H3-5: variants seen among roughly 807,000 people sequenced by gnomAD.
H3-5 encodes the protein H3.5 histone, also known as histone H3.3C.
Under a neutral mutation model 8.8 loss-of-function variants are expected in H3-5, and 9 were observed. The observed-to-expected ratio is 1.03, with a 90% confidence interval of 0.62 to 1.79. H3-5 has a LOEUF of 1.79. H3-5 is among the 40% of genes most tolerant of loss of function. H3-5 has a pLI of 0.00. For synonymous variants in H3-5, 82 were observed against 76.1 expected, an observed-to-expected ratio of 1.08 and a Z score of -0.40; for missense variants, 173 against 183.8, an observed-to-expected ratio of 0.94 and a Z score of 0.34.
rs1184341869 is a variant in H3-5 at position 31,791,957 on chromosome 12, C to T, written c.210G>A (p.Leu70=). 1 of 1,614,070 alleles carries T rather than the reference C, an allele frequency of 6.2e-7. No homozygotes were observed. The highest frequency in any genetic ancestry group is 8.5e-7 in the Non-Finnish European group (1 of 1,180,058). ...LLIRKLPFQR[L]VREIAQDFNT... ...TGAAATCCTGCGCGATCTCCCTCAC[C>T]AACCTCTGGAAGGGCAGCTTCCGGA... Residue 70 remains leucine (L), a synonymous_variant, in exon 1 of 1, where the codon TTG becomes TTA. Coordinates refer to ENST00000340398, the MANE Select transcript of H3-5 (RefSeq NM_001013699.3).
chr12:31,792,194 G>A lies in H3-5; in HGVS notation c.-28C>T, dbSNP rs772748165. ...TCTTTCACCCAACGCCGAAGTTTTA[G>A]GCCACTTCTCCGACCTCCGCGCTGC... On this transcript the variant is annotated 5_prime_UTR_variant, in exon 1 of 1. Coordinates refer to ENST00000340398, the MANE Select transcript of H3-5 (RefSeq NM_001013699.3). 5 of 1,603,074 alleles carry A rather than the reference G, an allele frequency of 3.1e-6. No homozygotes were observed. The highest frequency in any genetic ancestry group is 3.4e-6 in the Non-Finnish European group (4 of 1,173,268).
rs572761501 is a variant in H3-5 at position 31,791,645 on chromosome 12, G to T, written c.*114C>A. On this transcript the variant is annotated 3_prime_UTR_variant, in exon 1 of 1. Transcript: ENST00000340398. Reference sequence around the variant, plus strand: ...TTCGCATTCATCCTGAGTGAAAGATGGAATGACTTAAGTACAAATGCAACA... The same window carrying T: ...TTCGCATTCATCCTGAGTGAAAGATTGAATGACTTAAGTACAAATGCAACA... 1.5e-6 allele frequency: 2 copies of T among 1,331,488 alleles called. No individual in the cohort carries two copies. The highest frequency in any genetic ancestry group is 2.1e-5 in the Admixed American group (1 of 48,120). 82.5% of individuals were successfully genotyped at this position (1,331,488 alleles called of 1,614,324 possible).
In H3-5 at chr12:31,792,149, C is replaced by T. The variant is rs1217573893; in HGVS notation, c.18G>A (p.Gln6=). 1.9e-6 allele frequency: 3 copies of T among 1,613,262 alleles called. No individual in the cohort carries two copies. The highest frequency in any genetic ancestry group is 2.5e-6 in the Non-Finnish European group (3 of 1,179,408). ...TCCCACCGGTGGATTTACGAGCAGT[C>T]TGCTTGGTTCGGGCCATTTTCTTTC... MARTK[Q]TARKSTGGKA... The change falls in exon 1 of 1, where the codon CAG becomes CAA. Residue 6 remains glutamine, a synonymous_variant. Coordinates refer to ENST00000340398, the MANE Select transcript of H3-5 (RefSeq NM_001013699.3).
In H3-5 at chr12:31,792,142, G is replaced by A; in HGVS notation, c.25C>T (p.Arg9Cys). MARTKQTA[R>C]KSTGGKAPRK... ...GGGGCTTTCCCACCGGTGGATTTAC[G>A]AGCAGTCTGCTTGGTTCGGGCCATT... Residue 9 changes from arginine (R) to cysteine (C), a missense_variant, in exon 1 of 1, where the codon CGT (arginine) becomes TGT (cysteine). Coordinates refer to ENST00000340398, the MANE Select transcript of H3-5 (RefSeq NM_001013699.3). 2 of 1,613,928 alleles carry A rather than the reference G, an allele frequency of 1.2e-6. No individual in the cohort carries two copies. Among genetic ancestry groups the A allele is most frequent in the Non-Finnish European group, 1.7e-6 (2 of 1,179,908 alleles).
chr12:31,791,780 C>G lies in H3-5; in HGVS notation c.387G>C (p.Arg129=), dbSNP rs1199503837. The G allele has an allele frequency of 6.2e-7, 1 of 1,614,180 alleles. No homozygotes were observed. ...IMPKDIQLAR[R]IRGERA ...TCACTTAAGCTCTCTCTCCCCGTATCCGGCGAGCCAACTGGATGTCTTTGG... is the reference window on the plus strand; with the variant it reads ...TCACTTAAGCTCTCTCTCCCCGTATGCGGCGAGCCAACTGGATGTCTTTGG... Residue 129 remains arginine, a synonymous_variant, in exon 1 of 1, where the codon CGG becomes CGC. Transcript: ENST00000340398.
In H3-5 at chr12:31,792,282, C is replaced by T. The variant is rs1342747344; in HGVS notation, c.-116G>A. ...GAACCGACACTGGTCCAACGAACGA[C>T]CAAACCGCTCTGCGCCCTCCTCTCT... On this transcript the variant is annotated 5_prime_UTR_variant, in exon 1 of 1. Transcript: ENST00000340398. 5 of 1,214,438 alleles carry T rather than the reference C, an allele frequency of 4.1e-6. No homozygotes were observed. Among genetic ancestry groups the T allele is most frequent in the Non-Finnish European group, 5.8e-6 (5 of 864,030 alleles). The allele number at this position is 1,214,438 out of a possible 1,614,324, so 75.2% of individuals were successfully genotyped here.
In H3-5 at chr12:31,792,261, C is replaced by T. The variant is rs908626495; in HGVS notation, c.-95G>A. 3 of 1,464,006 alleles carry T rather than the reference C, an allele frequency of 2.0e-6. No homozygotes were observed. Among genetic ancestry groups the T allele is most frequent in the Non-Finnish European group, 2.8e-6 (3 of 1,081,204 alleles). The allele number at this position is 1,464,006 out of a possible 1,614,324, so 90.7% of individuals were successfully genotyped here. ...AGAGCCGCAGTCGCGAGCGAAGAAC[C>T]GACACTGGTCCAACGAACGACCAAA... is the stretch of plus-strand genomic sequence containing the variant. On this transcript the variant is annotated 5_prime_UTR_variant, in exon 1 of 1. Coordinates refer to ENST00000340398, the MANE Select transcript of H3-5 (RefSeq NM_001013699.3).
rs7301923 is a variant in H3-5 at position 31,792,066 on chromosome 12, C to T, written c.101G>A (p.Cys34Tyr). The stretch of plus-strand genomic sequence containing the variant: ...CCTGTAGCGATGAGGCTTCACCCCG[C>T]AGGTAGAGGGGGTGCTTTTCCTGGC... ...KAARKSTPST[C>Y]GVKPHRYRPG... Residue 34 changes from cysteine to tyrosine, a missense_variant, in exon 1 of 1, where the codon TGC becomes TAC. Physicochemically the swap from Cys to Tyr is radical, Grantham distance 194. Transcript: ENST00000340398. The T allele has an allele frequency of 2.8e-3, 4,598 of 1,614,202 alleles. 126 individuals are homozygous for T. The African/African-American group carries it at 0.054, about 19-fold the overall frequency.
rs1255135027 is a variant in H3-5 at position 31,792,209 on chromosome 12, C to A, written c.-43G>T. 1 of 1,582,028 alleles carries A rather than the reference C, an allele frequency of 6.3e-7. No individual in the cohort carries two copies. The highest frequency in any genetic ancestry group is 8.6e-7 in the Non-Finnish European group (1 of 1,162,846). On this transcript the variant is annotated 5_prime_UTR_variant, in exon 1 of 1. The change creates a new upstream start codon in the 5' untranslated region. Transcript: ENST00000340398. The stretch of plus-strand genomic sequence containing the variant: ...CGAAGTTTTAGGCCACTTCTCCGAC[C>A]TCCGCGCTGCTTCCGCTGCCCGAGG...
chr12:31,792,009 C>A lies in H3-5; in HGVS notation c.158G>T (p.Arg53Leu), dbSNP rs1940981147. The change falls in exon 1 of 1, where the codon CGT (arginine) becomes CTT (leucine). Residue 53 changes from arginine (R) to leucine (L), a missense_variant. By Grantham distance (102) the Arg-to-Leu change is moderately radical. Coordinates refer to ENST00000340398, the MANE Select transcript of H3-5 (RefSeq NM_001013699.3). ...GAGCAGCTCGGTCGACTTCTGATAA[C>A]GACGAATCTCTCGAAGCGCCACGGT... ...PGTVALREIR[R>L]YQKSTELLIR... 6.2e-7 allele frequency: 1 copy of A among 1,614,196 alleles called. No homozygotes were observed. The highest frequency in any genetic ancestry group is 8.5e-7 in the Non-Finnish European group (1 of 1,180,038).
Position 31,791,266 on chromosome 12 carries a change from T to C in H3-5, c.*493A>G, listed in dbSNP as rs1372318198. 1.3e-5 allele frequency: 2 copies of C among 155,698 alleles called. No homozygotes were observed. Among genetic ancestry groups the C allele is most frequent in the Admixed American group, 6.3e-5 (1 of 15,836 alleles). 9.6% of individuals were successfully genotyped at this position (155,698 alleles called of 1,614,324 possible). ...TATTATAAATGCACATATTGTATTC[T>C]ATAGCTGCCAGGTTTAATTTTTTTT... On this transcript the variant is annotated 3_prime_UTR_variant, in exon 1 of 1. Transcript: ENST00000340398.
At position 31,791,966 on chromosome 12, in the gene H3-5, G is replaced by C. The variant is rs1438714878; in HGVS notation, c.201C>G (p.Phe67Leu). The C allele has an allele frequency of 9.9e-6, 16 of 1,614,166 alleles. No individual in the cohort carries two copies. Among genetic ancestry groups the C allele is most frequent in the Non-Finnish European group, 1.3e-5 (15 of 1,180,038 alleles). The change falls in exon 1 of 1, where the codon TTC becomes TTG. Residue 67 changes from phenylalanine (F) to leucine (L), a missense_variant. Coordinates refer to ENST00000340398, the MANE Select transcript of H3-5 (RefSeq NM_001013699.3). ...STELLIRKLPFQRLVREIAQD... is the reference protein window; with the variant it reads ...STELLIRKLPLQRLVREIAQD... ...GCGCGATCTCCCTCACCAACCTCTG[G>C]AAGGGCAGCTTCCGGATGAGCAGCT...
At position 31,791,835 on chromosome 12, in the gene H3-5, G is replaced by A. The variant is rs113082334; in HGVS notation, c.332C>T (p.Ala111Val). 2,908 of 1,614,096 alleles carry A rather than the reference G, an allele frequency of 1.8e-3. 37 individuals are homozygous for A. In the African/African-American group the frequency reaches 0.033, roughly 18 times the overall value. Residue 111 changes from alanine to valine, a missense_variant, in exon 1 of 1, where the codon GCC becomes GTC. Transcript: ENST00000340398. ...GATGGTGACTCTCTTAGCGTGGATG[G>A]CACACAGGTTAGTATCTTCCAACAG... ...VGLLEDTNLC[A>V]IHAKRVTIMP...
rs1474306123 is a variant in H3-5, at chr12:31,792,078, G to T, written c.89C>A (p.Thr30Asn). Residue 30 changes from threonine (T) to asparagine (N), a missense_variant, in exon 1 of 1, where the codon ACC becomes AAC. Transcript: ENST00000340398. ...AGGCTTCACCCCGCAGGTAGAGGGG[G>T]TGCTTTTCCTGGCAGCTTTCGTGGC... Reference protein sequence around the residue: ...QLATKAARKSTPSTCGVKPHR... With the variant: ...QLATKAARKSNPSTCGVKPHR... 6.2e-7 allele frequency: 1 copy of T among 1,614,204 alleles called. No homozygotes were observed. The highest frequency in any genetic ancestry group is 2.2e-5 in the East Asian group (1 of 44,882).
Position 31,791,712 on chromosome 12 carries a change from A to C in H3-5, c.*47T>G, listed in dbSNP as rs761036951. On this transcript the variant is annotated 3_prime_UTR_variant, in exon 1 of 1. Transcript: ENST00000340398. The stretch of plus-strand genomic sequence containing the variant: ...CAAAAAAAGTCACCAATTAAACCAA[A>C]GTATTTTACAGAATTTACTACAAAA... 7 of 1,587,558 alleles carry C rather than the reference A, an allele frequency of 4.4e-6. No individual in the cohort carries two copies. The highest frequency in any genetic ancestry group is 5.1e-6 in the Non-Finnish European group (6 of 1,166,482).
Position 31,791,816 on chromosome 12 carries a change from G to A in H3-5, c.351C>T (p.Val117=). 1.2e-6 allele frequency: 2 copies of A among 1,614,170 alleles called. No individual in the cohort carries two copies. Among genetic ancestry groups the A allele is most frequent in the South Asian group, 1.1e-5 (1 of 91,084 alleles). The part of the protein sequence containing the change: ...TNLCAIHAKR[V]TIMPKDIQLA... ...ACTGGATGTCTTTGGGCATGATGGTGACTCTCTTAGCGTGGATGGCACACA... is the reference window on the plus strand; with the variant it reads ...ACTGGATGTCTTTGGGCATGATGGTAACTCTCTTAGCGTGGATGGCACACA... The change falls in exon 1 of 1, where the codon GTC becomes GTT. Residue 117 remains valine, a synonymous_variant. Transcript: ENST00000340398.
rs1940971249 is a variant in H3-5, at chr12:31,791,331, G to A, written c.*428C>T. 1 of 167,232 alleles carries A rather than the reference G, an allele frequency of 6.0e-6. No homozygotes were observed. The highest frequency in any genetic ancestry group is 2.4e-5 in the African/African-American group (1 of 41,608). 10.4% of individuals were successfully genotyped at this position (167,232 alleles called of 1,614,324 possible). A position where few individuals can be genotyped will look rare whatever the true frequency, so the allele number is the denominator to read the frequency against. ...ATAAGTTACACTGTGGTTAAGGTTT[G>A]TATCTTCACCCTTGAAAAAGCCTAC... On this transcript the variant is annotated 3_prime_UTR_variant, in exon 1 of 1. Coordinates refer to ENST00000340398, the MANE Select transcript of H3-5 (RefSeq NM_001013699.3).
rs777292400 is a variant in H3-5, at chr12:31,791,959, A to T, written c.208T>A (p.Leu70Met). The change falls in exon 1 of 1, where the codon TTG (leucine) becomes ATG (methionine). Residue 70 changes from leucine to methionine, a missense_variant. By Grantham distance (15) the Leu-to-Met change is conservative. Coordinates refer to ENST00000340398, the MANE Select transcript of H3-5 (RefSeq NM_001013699.3). ...LLIRKLPFQR[L>M]VREIAQDFNT... The stretch of plus-strand genomic sequence containing the variant: ...AAATCCTGCGCGATCTCCCTCACCA[A>T]CCTCTGGAAGGGCAGCTTCCGGATG... The T allele has an allele frequency of 2.5e-6, 4 of 1,613,840 alleles. No homozygotes were observed. The highest frequency in any genetic ancestry group is 3.4e-6 in the Non-Finnish European group (4 of 1,179,990).
chr12:31,791,897 A>AC lies in H3-5; in HGVS notation c.269dup (p.Ala91CysfsTer6), dbSNP rs1374609596. On this transcript the variant is annotated frameshift_variant, in exon 1 of 1. Transcript: ENST00000340398. LOFTEE classifies it high-confidence loss of function. ...ACGCTTCGCTAGCCTCCTGCAGCGC[A>AC]CCGACGGCTGCGCTCTGAAACCTCA... 8 of 1,614,152 alleles carry AC rather than the reference A, an allele frequency of 5.0e-6. No individual in the cohort carries two copies. The South Asian group carries it at 7.7e-5, about 16-fold the overall frequency.
Sources: gnomAD v4.1 joint callset for allele counts on GRCh38, gnomAD v4.1.1 for gene constraint, MANE v1.5 for transcripts, NCBI Gene and HGNC (gene_info 2026-07-23, HGNC 2026-07-21) for gene names.